TTC13: variants seen among roughly 807,000 people sequenced by gnomAD.
The protein encoded by TTC13 is tetratricopeptide repeat protein 13.
In TTC13, 62 loss-of-function variants were observed where a neutral mutation model predicts 120.0. The ratio of observed to expected loss-of-function variants is 0.52; its 90% CI spans 0.42 to 0.64. The LOEUF (loss-of-function observed/expected upper bound fraction) is 0.64, where lower values mean the gene tolerates loss of function less well. TTC13 is among the 30% of genes least tolerant of loss of function. The probability of loss-of-function intolerance (pLI) is 0.00; values close to 1 mark genes in which losing one functional copy is unlikely to be tolerated. For synonymous variants in TTC13, 384 were observed against 393.5 expected, an observed-to-expected ratio of 0.98 and a Z score of 0.28; for missense variants, 824 against 1,050.2, an observed-to-expected ratio of 0.78 and a Z score of 2.98.
intron 6 of TTC13, among the ~76,000 whole-genome samples, chr1:230,941,035 T>A (rs973228911): frequency 6.6e-5 from 10 of 152,226 alleles, no homozygotes; most frequent in African/African-American, 2.2e-4. Flanking sequence ...AGATTCCAGA[T>A]GCTCTTTAAG....
At chr1:230,916,507 C>T (rs1000589171) in intron 17 of TTC13, among the ~76,000 whole-genome samples, 1 of 152,162 alleles carries the variant, frequency 6.6e-6, no homozygotes, top group Non-Finnish European at 1.5e-5. Context: ...CCCCACAGCT[C>T]CTACCAGAGG....
chr1:230,946,539 C>G (rs532702202), intron 4 of TTC13, among the ~76,000 whole-genome samples: 11 of 152,330 alleles, frequency 7.2e-5, no homozygotes, highest in Middle Eastern at 6.8e-3. Flanking sequence ...ACAACCCAGA[C>G]AGCAGATTGG....
At chr1:230,931,651 C>G in intron 10 of TTC13, 85 bp downstream of exon 10, 5 of 1,525,658 alleles carry the variant, frequency 3.3e-6, no homozygotes, top group Non-Finnish European at 4.5e-6. Context: ...TATTCTCAGT[C>G]CCCCTTCTCT....
chr1:230,951,804 ATAATT>A (rs1379665197), intron 4 of TTC13, among the ~76,000 whole-genome samples: 4 of 152,238 alleles, frequency 2.6e-5, no homozygotes, highest in Non-Finnish European at 4.4e-5. Flanking sequence ...TGTGTGATAC[ATAATT>A]TAAAGAGAAT....
chr1:230,921,774 G>C (rs3818847), intron 15 of TTC13, among the ~76,000 whole-genome samples: 71,685 of 151,892 alleles, frequency 0.47, 17,462 homozygotes, highest in Admixed American at 0.57. Context: ...CAGCACTAAA[G>C]TGAGGTCCAG....
chr1:230,977,592 A>C (rs1439195355), intron 1 of TTC13, among the ~76,000 whole-genome samples: 2 of 152,150 alleles, frequency 1.3e-5, no homozygotes, highest in Non-Finnish European at 2.9e-5. Flanking sequence ...CAACTAAAAA[A>C]AAAAGGTATT....
intron 1 of TTC13, among the ~76,000 whole-genome samples, chr1:230,963,285 G>A (rs542228853): frequency 2.0e-5 from 3 of 152,224 alleles, no homozygotes; most frequent in South Asian, 4.2e-4. Flanking sequence ...AAGCCCTGGG[G>A]TGGTGAACCA....
intron 16 of TTC13, 43 bp from the exon 17 acceptor site, chr1:230,920,637 GA>G: frequency 8.6e-7 from 1 of 1,157,816 alleles, no homozygotes; most frequent in Non-Finnish European, 1.2e-6. Context: ...GATTAATGCA[GA>G]ATTGTAATAA....
At position 230,978,815 on chromosome 1, in the gene TTC13, A is replaced by C; in HGVS notation, c.16T>G (p.Cys6Gly). The change falls in exon 1 of 23, where the codon TGC becomes GGC. Residue 6 changes from cysteine (C) to glycine (G), a missense_variant. Transcript: ENST00000366661. This position sits in a 1 kb window ranked among gnomAD's most constrained non-coding sequence, Gnocchi z 5.6. ...CCCCAGAAGCAGCAGCAGCAGCAGC[A>C]GCCGGCAGGTGCCATCTTCCCTCAA... is the stretch of plus-strand genomic sequence containing the variant. MAPAGCCCCCCFWGGA... is the reference protein window; with the variant it reads MAPAGGCCCCCFWGGA... 1 of 1,486,056 alleles carries C rather than the reference A, an allele frequency of 6.7e-7. No individual in the cohort carries two copies. The highest frequency in any genetic ancestry group is 1.3e-5 in the South Asian group (1 of 78,260). 92.1% of individuals were successfully genotyped at this position (1,486,056 alleles called of 1,614,324 possible). A position where few individuals can be genotyped will look rare whatever the true frequency, so the allele number is the denominator to read the frequency against.
chr1:230,946,520 T>C (rs1675013968), intron 4 of TTC13, among the ~76,000 whole-genome samples: 1 of 152,224 alleles, frequency 6.6e-6, no homozygotes, highest in African/African-American at 2.4e-5. Flanking sequence ...AACTGGCATA[T>C]CGCTGGCCAC....
intron 17 of TTC13, among the ~76,000 whole-genome samples, chr1:230,916,660 C>T (rs1672062483): frequency 1.3e-5 from 2 of 152,184 alleles, no homozygotes; most frequent in East Asian, 1.9e-4. Flanking sequence ...AATAGTTGTA[C>T]CTAACATCCC....
Position 230,933,797 on chromosome 1 carries a change from C to T in TTC13, c.965G>A (p.Ser322Asn). Residue 322 changes from serine to asparagine, a missense_variant, in exon 9 of 23, where the codon AGT becomes AAT. Coordinates refer to ENST00000366661, the MANE Select transcript of TTC13 (RefSeq NM_024525.5). Reference protein sequence around the residue: ...QKVDFIDAYKSLGQAYRELGN... With the variant: ...QKVDFIDAYKNLGQAYRELGN... The stretch of plus-strand genomic sequence containing the variant: ...TACTCACCTATATGCCTGCCCTAGA[C>T]TTTTATATGCATCAATAAAGTCAAC... 1.2e-6 allele frequency: 2 copies of T among 1,608,238 alleles called. No individual in the cohort carries two copies. Among genetic ancestry groups the T allele is most frequent in the Non-Finnish European group, 1.7e-6 (2 of 1,177,362 alleles).
At chr1:230,963,739 A>G (rs1676870361) in intron 1 of TTC13, among the ~76,000 whole-genome samples, 1 of 152,160 alleles carries the variant, frequency 6.6e-6, no homozygotes, top group African/African-American at 2.4e-5. Context: ...GGATAGGACG[A>G]TGAGTGGTAC....
intron 17 of TTC13, among the ~76,000 whole-genome samples, chr1:230,920,146 G>C (rs529181462): frequency 6.6e-5 from 10 of 152,322 alleles, no homozygotes; most frequent in Admixed American, 4.6e-4. Flanking sequence ...GAAAGCTGGG[G>C]TGACAGTGGG....
chr1:230,942,008 A>G lies in TTC13; in HGVS notation c.673-1452T>C, dbSNP rs968089940. ...AAATGGTATGTTATAATTTAGCCGG[A>G]AAATTCAGTATGTAGTAACATTATT... On this transcript the variant is annotated intron_variant, in intron 6 of 22. Coordinates refer to ENST00000366661, the MANE Select transcript of TTC13 (RefSeq NM_024525.5). The surrounding 1 kb of genome is among the most constrained non-coding windows in gnomAD (Gnocchi z 4.0). Among the ~76,000 whole-genome samples, 1 of 152,226 alleles carries G rather than the reference A, an allele frequency of 6.6e-6. No homozygotes were observed.
chr1:230,966,426 T>C (rs1677136008), intron 1 of TTC13, among the ~76,000 whole-genome samples: 1 of 139,880 alleles, frequency 7.1e-6, no homozygotes, highest in Non-Finnish European at 1.5e-5. Flanking sequence ...TTGATCTCTT[T>C]ATTTAAATAT....
chr1:230,971,750 G>A (rs574260640), intron 1 of TTC13, among the ~76,000 whole-genome samples: 5 of 152,168 alleles, frequency 3.3e-5, no homozygotes, highest in South Asian at 4.1e-4. Context: ...TTCACTGCAC[G>A]GGATGGAAAA....
At chr1:230,971,494 G>T (rs1677744352) in intron 1 of TTC13, among the ~76,000 whole-genome samples, 1 of 151,968 alleles carries the variant, frequency 6.6e-6, no homozygotes, top group Non-Finnish European at 1.5e-5. Flanking sequence ...TTCATTTAAT[G>T]AAATGAAATA....
chr1:230,911,520 T>A lies in TTC13; in HGVS notation c.2259A>T (p.Leu753Phe), dbSNP rs2102735986. Residue 753 changes from leucine (L) to phenylalanine (F), a missense_variant, in exon 20 of 23, where the codon TTA becomes TTT. This residue lies in a region of TTC13 where 226 missense variants were observed against 259.1 expected (regional missense o/e 0.87). Transcript: ENST00000366661. ...GEADAVCNLI[L>F]SLVYYFYNLM... ...AATTATAAAAGTAATAAACTAAGGA[T>A]AAGATTAAGTTGCAGACAGCATCAG... 1 of 1,605,946 alleles carries A rather than the reference T, an allele frequency of 6.2e-7. No individual in the cohort carries two copies. The highest frequency in any genetic ancestry group is 2.2e-5 in the East Asian group (1 of 44,506).
Sources: gnomAD v4.1 joint callset for allele counts (sites outside exome capture counted in the v4.1 genomes callset) on GRCh38, gnomAD v4.1.1 for gene constraint, gnomAD v4.1.1 regional missense constraint, Gnocchi (gnomAD v3.1) non-coding constraint, MANE v1.5 for transcripts, NCBI Gene and HGNC (gene_info 2026-07-23, HGNC 2026-07-21) for gene names.